RHBDD1: variants seen among roughly 807,000 people sequenced by gnomAD.
RHBDD1 encodes rhomboid domain containing 1.
RHBDD1 carries 38 observed loss-of-function variants against 36.3 expected under a neutral mutation model. The observed-to-expected ratio is 1.05, with a 90% CI of 0.81 to 1.37. The LOEUF is 1.37. Among genes scored for constraint, RHBDD1 ranks in the 40% most tolerant of loss-of-function variants. RHBDD1 has a pLI of 0.00. For missense variants in RHBDD1, 393 were observed against 377.6 expected (o/e 1.04, Z -0.34); for synonymous variants, 151 against 136.5 (o/e 1.11, Z -0.74).
At chr2:226,882,167 C>T (rs980579346) in intron 5 of RHBDD1, among the ~76,000 whole-genome samples, 3 of 151,986 alleles carry the variant, frequency 2.0e-5, no homozygotes, top group Non-Finnish European at 2.9e-5. Context: ...CAGTGGCTCA[C>T]GCCTGTAATC....
At chr2:226,946,817 C>A (rs934652241) in intron 8 of RHBDD1, among the ~76,000 whole-genome samples, 3 of 152,140 alleles carry the variant, frequency 2.0e-5, no homozygotes, top group African/African-American at 7.2e-5. Context: ...CCTGAATAGA[C>A]CAATAACAAG....
At chr2:226,870,258 G>A (rs1251058743) in intron 5 of RHBDD1, among the ~76,000 whole-genome samples, 3 of 152,300 alleles carry the variant, frequency 2.0e-5, no homozygotes, top group African/African-American at 7.2e-5. Context: ...GTTTTAAGGT[G>A]TCATATGCGA....
At position 226,996,992 on chromosome 2, in the gene RHBDD1, A is replaced by AT. The variant is rs1391649252; in HGVS notation, c.*1475dup. On this transcript the variant is annotated 3_prime_UTR_variant, in exon 9 of 9. Coordinates refer to ENST00000392062, the MANE Select transcript of RHBDD1 (RefSeq NM_001167608.3). ...ACATTTTGGTGGTATTGTCTTATCA[A>AT]TTTTTCCGTTGATACATTCAGCAAA... The AT allele has an allele frequency of 6.6e-6, 1 of 152,134 alleles. No homozygotes were observed. Among genetic ancestry groups the AT allele is most frequent in the African/African-American group, 2.4e-5 (1 of 41,426 alleles). The allele number at this position is 152,134 out of a possible 1,614,324, so 9.4% of individuals were successfully genotyped here. A position where few individuals can be genotyped will look rare whatever the true frequency, so the allele number is the denominator to read the frequency against.
the RHBDD1 span, chr2:226,803,886 A>C: frequency 6.6e-6 from 1 of 152,192 alleles, no homozygotes; most frequent in Non-Finnish European, 1.5e-5. Flanking sequence ...ATCTTGTTAT[A>C]ATGCAGGTTC....
At chr2:226,872,352 T>C (rs1167563296) in intron 5 of RHBDD1, among the ~76,000 whole-genome samples, 1 of 152,208 alleles carries the variant, frequency 6.6e-6, no homozygotes, top group African/African-American at 2.4e-5. Context: ...TCTGTAATAT[T>C]TTCCCCGACA....
chr2:226,849,573 C>T (rs568182866), intron 3 of RHBDD1, among the ~76,000 whole-genome samples: 77 of 152,360 alleles, frequency 5.1e-4, no homozygotes, highest in Admixed American at 1.2e-3. Flanking sequence ...CTTCTAGCCT[C>T]CAGACCCTGC....
rs1960258440 is a variant in RHBDD1, at chr2:226,999,027, A to C, written c.*3505A>C. ...TCCTGTAACAGACACAACCACATCT[A>C]CACAGTTTCCACATACCACTTGGAA... On this transcript the variant is annotated 3_prime_UTR_variant, in exon 9 of 9. Coordinates refer to ENST00000392062, the MANE Select transcript of RHBDD1 (RefSeq NM_001167608.3). 1 of 152,234 alleles carries C rather than the reference A, an allele frequency of 6.6e-6. No individual in the cohort carries two copies. The highest frequency in any genetic ancestry group is 1.5e-5 in the Non-Finnish European group (1 of 68,086). 9.4% of individuals were successfully genotyped at this position (152,234 alleles called of 1,614,324 possible).
At chr2:226,910,175 G>T (rs1006293832) in intron 7 of RHBDD1, among the ~76,000 whole-genome samples, 1 of 152,084 alleles carries the variant, frequency 6.6e-6, no homozygotes, top group African/African-American at 2.4e-5. Flanking sequence ...TTTTGCACTC[G>T]ATTTATTTTC....
At chr2:226,987,340 A>T (rs77237654) in intron 8 of RHBDD1, among the ~76,000 whole-genome samples, 1 of 144,646 alleles carries the variant, frequency 6.9e-6, no homozygotes, top group Non-Finnish European at 1.5e-5. Context: ...CTTAAAGTAT[A>T]AAAAAAAAAA....
chr2:226,898,889 C>T (rs963979149), intron 5 of RHBDD1, among the ~76,000 whole-genome samples: 3 of 152,194 alleles, frequency 2.0e-5, no homozygotes, highest in Non-Finnish European at 4.4e-5. Flanking sequence ...TCTTACCTTA[C>T]CTTGTTCCTT....
the RHBDD1 span, among the ~76,000 whole-genome samples, chr2:226,824,747 T>C: frequency 2.0e-5 from 3 of 152,362 alleles, no homozygotes; most frequent in African/African-American, 7.2e-5. Flanking sequence ...TCAGTCACCA[T>C]CAGGGCTGAA....
At chr2:226,942,182 C>A (rs1361543667) in intron 8 of RHBDD1, among the ~76,000 whole-genome samples, 1 of 151,600 alleles carries the variant, frequency 6.6e-6, no homozygotes. Context: ...ATAATTGGCC[C>A]ATGTAACTTA....
At chr2:226,914,679 A>G (rs1301204787) in intron 8 of RHBDD1, 1 of 165,094 alleles carries the variant, frequency 6.1e-6, no homozygotes, top group Non-Finnish European at 1.3e-5. Flanking sequence ...TGGAATTCAT[A>G]TTTGTAAAGA....
At position 226,914,365 on chromosome 2, in the gene RHBDD1, G is replaced by A. The variant is rs750180537; in HGVS notation, c.856+14G>A. 1.6e-5 allele frequency: 25 copies of A among 1,607,348 alleles called. No homozygotes were observed. Among genetic ancestry groups the A allele is most frequent in the South Asian group, 1.0e-4 (9 of 89,634 alleles). On this transcript the variant is annotated intron_variant, in intron 8 of 8. Transcript: ENST00000392062. ...TCTGGGACCGAGGTAGGAGTCTTGCGCCCTTCAGTTATTTTAAAGCATACC... is the reference window on the plus strand; with the variant it reads ...TCTGGGACCGAGGTAGGAGTCTTGCACCCTTCAGTTATTTTAAAGCATACC...
chr2:226,868,625 T>G (rs1223162103), intron 5 of RHBDD1, among the ~76,000 whole-genome samples: 1 of 152,192 alleles, frequency 6.6e-6, no homozygotes, highest in African/African-American at 2.4e-5. Flanking sequence ...ACAGACAGTT[T>G]TTATTTTGGT....
At chr2:226,964,510 T>A (rs1292752380) in intron 8 of RHBDD1, among the ~76,000 whole-genome samples, 1 of 152,196 alleles carries the variant, frequency 6.6e-6, no homozygotes, top group Non-Finnish European at 1.5e-5. Flanking sequence ...CCTAATGACT[T>A]AATTGTAGCT....
chr2:226,865,145 T>A lies in RHBDD1; in HGVS notation c.433+19T>A. On this transcript the variant is annotated intron_variant, in intron 4 of 8. Coordinates refer to ENST00000392062, the MANE Select transcript of RHBDD1 (RefSeq NM_001167608.3). ...TTCTCAGGTAAGGGAGACAAAATTT[T>A]GAGGTTGCATGCATAAAGGAAGCAA... The A allele has an allele frequency of 6.4e-7, 1 of 1,570,678 alleles. No individual in the cohort carries two copies. Among genetic ancestry groups the A allele is most frequent in the African/African-American group, 1.4e-5 (1 of 73,118 alleles).
At chr2:226,977,558 T>C (rs1392877186) in intron 8 of RHBDD1, among the ~76,000 whole-genome samples, 1 of 152,176 alleles carries the variant, frequency 6.6e-6, no homozygotes, top group African/African-American at 2.4e-5. Context: ...CCAGGAGCAA[T>C]GGTGAACCGT....
At chr2:226,811,354 T>C in the RHBDD1 span, among the ~76,000 whole-genome samples, 2 of 152,294 alleles carry the variant, frequency 1.3e-5, no homozygotes, top group Non-Finnish European at 1.5e-5. Flanking sequence ...CAGGCTGGAG[T>C]GCAGTAGCAC....
Sources: allele counts gnomAD v4.1 joint callset (sites outside exome capture counted in the v4.1 genomes callset), GRCh38; gene constraint gnomAD v4.1.1; transcripts MANE v1.5; gene names NCBI Gene and HGNC (gene_info 2026-07-23, HGNC 2026-07-21).